Variants in TMTC2 observed in about 807,000 individuals in gnomAD.
TMTC2 encodes protein O-mannosyl-transferase TMTC2.
A neutral mutation model predicts 82.4 loss-of-function variants in TMTC2; 43 were observed. The observed-to-expected ratio is 0.52, with a 90% CI of 0.41 to 0.67. The LOEUF is 0.67. Among genes scored for constraint, TMTC2 ranks in the 30% least tolerant of loss-of-function variants. TMTC2 has a pLI of 0.00. For missense variants in TMTC2, 919 were observed against 1,012.4 expected (o/e 0.91, Z 1.25); for synonymous variants, 408 against 381.9 (o/e 1.07, Z -0.80).
intron 8 of TMTC2, among the ~76,000 whole-genome samples, chr12:82,997,221 C>CTCTCTCTCTCTCTCTATATATATATA (rs1451262969): frequency 8.4e-6 from 1 of 118,546 alleles, no homozygotes; most frequent in African/African-American, 3.7e-5. Context: ...CTCTCTCTCT[C>CTCTCTCTCTCTCTCTATATATATATA]TATATATATA....
At chr12:83,104,438 C>T (rs182014716) in intron 11 of TMTC2, among the ~76,000 whole-genome samples, 28 of 152,304 alleles carry the variant, frequency 1.8e-4, no homozygotes, top group South Asian at 4.1e-4. Flanking sequence ...AATCTAGGTG[C>T]AGGCTGCCAA....
intron 1 of TMTC2, among the ~76,000 whole-genome samples, chr12:82,765,428 A>G (rs868842325): frequency 1.3e-5 from 2 of 152,116 alleles, no homozygotes; most frequent in African/African-American, 4.8e-5. Flanking sequence ...TAATCCCAGT[A>G]CTTTGGGAGT....
intron 1 of TMTC2, among the ~76,000 whole-genome samples, chr12:82,748,890 A>G (rs1458245927): frequency 6.6e-6 from 1 of 152,196 alleles, no homozygotes; most frequent in Non-Finnish European, 1.5e-5. Flanking sequence ...AAAGAATCAC[A>G]CACATACACA....
intron 10 of TMTC2, among the ~76,000 whole-genome samples, chr12:83,058,312 A>AG (rs1882617784): frequency 6.6e-6 from 1 of 151,922 alleles, no homozygotes; most frequent in Non-Finnish European, 1.5e-5. Flanking sequence ...AAAACCAACC[A>AG]ACAAAACAAA....
intron 3 of TMTC2, among the ~76,000 whole-genome samples, chr12:82,902,002 A>G (rs1874045192): frequency 6.6e-6 from 1 of 152,014 alleles, no homozygotes. Flanking sequence ...CTCTTTCCTT[A>G]TGTCCCACTC....
chr12:82,732,980 T>C (rs1263219573), intron 1 of TMTC2, among the ~76,000 whole-genome samples: 1 of 152,216 alleles, frequency 6.6e-6, no homozygotes, highest in Admixed American at 6.5e-5. Context: ...TATATTTACA[T>C]AATTACAACA....
At chr12:82,965,809 A>T in intron 6 of TMTC2, 65 bp downstream of exon 6, 3 of 1,579,568 alleles carry the variant, frequency 1.9e-6, no homozygotes, top group Non-Finnish European at 2.6e-6. Context: ...AGTGGTTTGT[A>T]ACCTACAGCC....
chr12:82,740,993 T>C (rs1299477665), intron 1 of TMTC2, among the ~76,000 whole-genome samples: 2 of 152,186 alleles, frequency 1.3e-5, no homozygotes, highest in African/African-American at 4.8e-5. Flanking sequence ...GGTGGCACTC[T>C]TACCCCAGCG....
intron 1 of TMTC2, among the ~76,000 whole-genome samples, chr12:82,830,202 G>A (rs1869672871): frequency 6.6e-6 from 1 of 152,094 alleles, no homozygotes; most frequent in Non-Finnish European, 1.5e-5. Context: ...ATTTGAAATG[G>A]CATTTTCACA....
intron 1 of TMTC2, among the ~76,000 whole-genome samples, chr12:82,843,593 A>G (rs1456469474): frequency 2.0e-5 from 3 of 152,192 alleles, no homozygotes; most frequent in Non-Finnish European, 4.4e-5. Flanking sequence ...GATTATTGCA[A>G]ACATTTGTGT....
intron 1 of TMTC2, among the ~76,000 whole-genome samples, chr12:82,793,609 G>GT (rs1348625142): frequency 6.6e-6 from 1 of 152,016 alleles, no homozygotes; most frequent in Non-Finnish European, 1.5e-5. Flanking sequence ...AGTATTAGCT[G>GT]TAATAAAAAA....
At chr12:82,914,170 G>A (rs150833409) in intron 3 of TMTC2, among the ~76,000 whole-genome samples, 65 of 152,194 alleles carry the variant, frequency 4.3e-4, no homozygotes, top group South Asian at 6.2e-4. Context: ...AAAATGATAC[G>A]TGCCCAAGAT....
At chr12:82,914,325 A>C (rs2137215342) in intron 3 of TMTC2, among the ~76,000 whole-genome samples, 1 of 152,104 alleles carries the variant, frequency 6.6e-6, no homozygotes, top group East Asian at 1.9e-4. Context: ...CTTTTTTTTA[A>C]AAAAATTCTC....
intron 2 of TMTC2, among the ~76,000 whole-genome samples, chr12:82,865,886 C>G (rs1378346582): frequency 6.6e-6 from 1 of 152,116 alleles, no homozygotes; most frequent in Non-Finnish European, 1.5e-5. Flanking sequence ...TACATGGAAA[C>G]AGAACAACCT....
intron 2 of TMTC2, among the ~76,000 whole-genome samples, chr12:82,880,633 C>T (rs1049218423): frequency 3.3e-5 from 5 of 152,146 alleles, no homozygotes; most frequent in African/African-American, 9.7e-5. Flanking sequence ...AAACTTTTTG[C>T]TTGTCTCCCT....
In TMTC2 at chr12:83,132,642, C is replaced by A; in HGVS notation, c.*253C>A. The A allele has an allele frequency of 2.5e-6, 1 of 405,098 alleles. No individual in the cohort carries two copies. The highest frequency in any genetic ancestry group is 4.3e-6 in the Non-Finnish European group (1 of 231,810). The allele number at this position is 405,098 out of a possible 1,614,324, so 25.1% of individuals were successfully genotyped here. A position where few individuals can be genotyped will look rare whatever the true frequency, so the allele number is the denominator to read the frequency against. On this transcript the variant is annotated 3_prime_UTR_variant, in exon 12 of 12. Coordinates refer to ENST00000321196, the MANE Select transcript of TMTC2 (RefSeq NM_152588.3). ...AGACTGTAAACCAGAGCACTTAAAA[C>A]AGAACCTTTTGGCATTCTTAAAAAG...
At position 83,023,051 on chromosome 12, in the gene TMTC2, A is replaced by G. The variant is rs181500947; in HGVS notation, c.2071-7747A>G. Reference sequence around the variant, plus strand: ...TATTTTCTTAGGACAAATAGGTAGAAATAGAATCAGTTGGCTAGTGTGTCT... The same window carrying G: ...TATTTTCTTAGGACAAATAGGTAGAGATAGAATCAGTTGGCTAGTGTGTCT... On this transcript the variant is annotated intron_variant, in intron 8 of 11. Coordinates refer to ENST00000321196, the MANE Select transcript of TMTC2 (RefSeq NM_152588.3). 5.8e-4 allele frequency among the ~76,000 whole-genome samples: 89 copies of G among 152,320 alleles called. 2 individuals are homozygous for G. The highest frequency in any genetic ancestry group is 2.0e-3 in the African/African-American group (83 of 41,570).
intron 11 of TMTC2, among the ~76,000 whole-genome samples, chr12:83,123,221 A>C (rs1885009167): frequency 6.6e-6 from 1 of 152,222 alleles, no homozygotes; most frequent in South Asian, 2.1e-4. Flanking sequence ...CACAGGATAA[A>C]ATGTGTCTCT....
rs1202554407 is a variant in TMTC2 at position 83,050,988 on chromosome 12, ATGT to A, written c.2241_2243del (p.Val748del). The A allele has an allele frequency of 1.2e-6, 2 of 1,612,250 alleles. No homozygotes were observed. Among genetic ancestry groups the A allele is most frequent in the East Asian group, 4.5e-5 (2 of 44,770 alleles). On this transcript the variant is annotated inframe_deletion, in exon 10 of 12. Transcript: ENST00000321196. Reference sequence around the variant, plus strand: ...GCTGAACTAGACAGCACAGAGTTTGATGTTGTCTTCAATGCTGCCCACATGCTC... The same window carrying A: ...GCTGAACTAGACAGCACAGAGTTTGATGTCTTCAATGCTGCCCACATGCTC...
Sources: allele counts gnomAD v4.1 joint callset (sites outside exome capture counted in the v4.1 genomes callset), GRCh38; gene constraint gnomAD v4.1.1; transcripts MANE v1.5; gene names NCBI Gene and HGNC (gene_info 2026-07-23, HGNC 2026-07-21).